GAB3: variants seen among roughly 807,000 people sequenced by gnomAD.
GAB3 encodes the protein GRB2 associated binding protein 3.
Under a neutral mutation model 40.4 loss-of-function variants are expected in GAB3, and 12 were observed. That is an observed-to-expected ratio of 0.30 (90% confidence interval 0.19 to 0.48). GAB3 has a LOEUF of 0.48. Among genes scored for constraint, GAB3 ranks in the 20% least tolerant of loss-of-function variants. The probability of loss-of-function intolerance (pLI) is 0.99; values close to 1 mark genes in which losing one functional copy is unlikely to be tolerated. For synonymous variants in GAB3, 154 were observed against 176.7 expected, an observed-to-expected ratio of 0.87 and a Z score of 1.02; for missense variants, 381 against 461.9, an observed-to-expected ratio of 0.82 and a Z score of 1.61.
chrX:154,702,053 A>C (rs782147164), intron 4 of GAB3, among the ~76,000 whole-genome samples: 1 of 112,227 alleles, frequency 8.9e-6, no homozygotes, highest in East Asian at 2.8e-4. Flanking sequence ...AGAATAGCCA[A>C]AGCTATCCTA....
intron 4 of GAB3, among the ~76,000 whole-genome samples, chrX:154,702,014 T>C (rs1334543153): frequency 8.9e-6 from 1 of 111,894 alleles, no homozygotes; most frequent in African/African-American, 3.3e-5. Context: ...AAAAAAATCC[T>C]AAAATTTGTA....
chrX:154,750,647 C>G (rs1220984358), intron 1 of GAB3, among the ~76,000 whole-genome samples: 1 of 112,720 alleles, frequency 8.9e-6, no homozygotes, highest in Non-Finnish European at 1.9e-5. Context: ...TCCCTGGCCG[C>G]TCCTGTACGG....
intron 4 of GAB3, among the ~76,000 whole-genome samples, chrX:154,703,229 A>G (rs2070762198): frequency 1.8e-5 from 2 of 112,345 alleles, no homozygotes; most frequent in African/African-American, 3.2e-5. Context: ...TATTCACAAT[A>G]GCAAAGACAT....
chrX:154,751,298 G>GGA (rs1841737603), upstream of GAB3, among the ~76,000 whole-genome samples: 1 of 77,751 alleles, frequency 1.3e-5, no homozygotes, highest in Admixed American at 1.4e-4. Context: ...GGGGGGGTGT[G>GGA]GGGGGGGGAG....
chrX:154,746,531 GAGA>G (rs2148496762), intron 1 of GAB3, among the ~76,000 whole-genome samples: 1 of 112,234 alleles, frequency 8.9e-6, no homozygotes, highest in South Asian at 3.7e-4. Flanking sequence ...TCCAACTCAT[GAGA>G]AGAAGCCTCA....
chrX:154,699,976 C>T lies in GAB3; in HGVS notation c.1125+28G>A, dbSNP rs367583892. 4 of 1,172,119 alleles carry T rather than the reference C, an allele frequency of 3.4e-6. No homozygotes were observed. In the African/African-American group the frequency reaches 7.2e-5, roughly 21 times the overall value. On this transcript the variant is annotated intron_variant, in intron 5 of 9. Transcript: ENST00000424127. ...CAAGCTGTTTTTGGTAAAATTGATGCTTAAAAGAACCTGAATGTTGAACTT... is the reference window on the plus strand; with the variant it reads ...CAAGCTGTTTTTGGTAAAATTGATGTTTAAAAGAACCTGAATGTTGAACTT...
intron 1 of GAB3, among the ~76,000 whole-genome samples, chrX:154,724,005 C>G (rs1489712151): frequency 9.0e-6 from 1 of 111,473 alleles, no homozygotes; most frequent in Non-Finnish European, 1.9e-5. Flanking sequence ...TGTAGTGAAC[C>G]AATGAGAAAC....
chrX:154,721,630 A>AT (rs1371186105), intron 1 of GAB3, among the ~76,000 whole-genome samples: 2 of 112,440 alleles, frequency 1.8e-5, no homozygotes, highest in Non-Finnish European at 3.8e-5. Context: ...TGGAGGACAC[A>AT]TTCAAGTATA....
intron 2 of GAB3, among the ~76,000 whole-genome samples, 200 bp downstream of exon 2, chrX:154,715,826 T>G (rs1557257501): frequency 8.9e-6 from 1 of 112,528 alleles, no homozygotes; most frequent in African/African-American, 3.2e-5. Context: ...AGTGTGCTCA[T>G]GGACTCTGCC....
In GAB3 at chrX:154,712,570, C is replaced by T; in HGVS notation, c.728G>A (p.Ser243Asn). The T allele has an allele frequency of 2.6e-6, 3 of 1,171,576 alleles. No individual in the cohort carries two copies. The highest frequency in any genetic ancestry group is 2.3e-6 in the Non-Finnish European group (2 of 876,221). Residue 243 changes from serine (S) to asparagine (N), a missense_variant, in exon 4 of 10, where the codon AGT becomes AAT. Ser to Asn is a conservative substitution (Grantham distance 46). Coordinates refer to ENST00000424127, the MANE Select transcript of GAB3 (RefSeq NM_001081573.3). ...CGAGGATGGCACCTCCTGAGCTCCA[C>T]TGCCATGGCATGAGGGGTGGACCAA... ...SHLVHPSCHG[S>N]GAQEVPSSRP...
rs781860744 is a variant in GAB3, at chrX:154,694,597, G to A, written c.1530+1320C>T. ...TTTAGTAGAGAAGGGGTTTCACCGTGTTAGCCAGGATGGTCTCGATCTCCT... is the reference window on the plus strand; with the variant it reads ...TTTAGTAGAGAAGGGGTTTCACCGTATTAGCCAGGATGGTCTCGATCTCCT... On this transcript the variant is annotated intron_variant, in intron 8 of 9. Transcript: ENST00000424127. Among the ~76,000 whole-genome samples, 21 of 111,366 alleles carry A rather than the reference G, an allele frequency of 1.9e-4. 2 individuals are homozygous for A. The South Asian group carries it at 7.6e-3, about 40-fold the overall frequency.
Position 154,750,938 on chromosome X carries a change from C to T in GAB3, c.72+16G>A. 1.3e-6 allele frequency: 1 copy of T among 779,465 alleles called. No homozygotes were observed. 64.2% of individuals were successfully genotyped at this position (779,465 alleles called of 1,213,427 possible). A position where few individuals can be genotyped will look rare whatever the true frequency, so the allele number is the denominator to read the frequency against. The stretch of plus-strand genomic sequence containing the variant: ...CGGGACGCGAAGGCCGGGCGGGTGG[C>T]GGCGCCCCTACTCACGTAGCGCTGT... On this transcript the variant is annotated intron_variant, in intron 1 of 9. Coordinates refer to ENST00000424127, the MANE Select transcript of GAB3 (RefSeq NM_001081573.3).
chrX:154,732,193 G>A (rs1381819929), intron 1 of GAB3, among the ~76,000 whole-genome samples: 2 of 111,897 alleles, frequency 1.8e-5, no homozygotes, highest in Non-Finnish European at 3.8e-5. Flanking sequence ...GTGGAAGAGT[G>A]TGTATTCAGG....
chrX:154,724,540 C>T (rs1249661512), intron 1 of GAB3, among the ~76,000 whole-genome samples: 1 of 110,561 alleles, frequency 9.0e-6, no homozygotes. Context: ...GATCCACTTC[C>T]CATCAGCCTT....
At chrX:154,697,634 C>T (rs1166178510) in intron 6 of GAB3, among the ~76,000 whole-genome samples, 1 of 111,928 alleles carries the variant, frequency 8.9e-6, no homozygotes, top group African/African-American at 3.3e-5. Flanking sequence ...CACCTACAAT[C>T]CATTGTCCAC....
At chrX:154,732,363 G>A (rs964398172) in intron 1 of GAB3, among the ~76,000 whole-genome samples, 2 of 111,762 alleles carry the variant, frequency 1.8e-5, no homozygotes, top group African/African-American at 6.5e-5. Context: ...ATAATCTGAC[G>A]TTTAATACTG....
At chrX:154,734,642 C>A (rs1475025153) in intron 1 of GAB3, among the ~76,000 whole-genome samples, 1 of 112,115 alleles carries the variant, frequency 8.9e-6, no homozygotes, top group East Asian at 2.8e-4. Context: ...TAGCACACTG[C>A]AGGCCCTGGG....
At chrX:154,697,241 G>A in intron 6 of GAB3, 28 bp from the exon 7 acceptor site, 1 of 1,037,410 alleles carries the variant, frequency 9.6e-7, no homozygotes, top group African/African-American at 1.9e-5. Flanking sequence ...ACATCCAGGA[G>A]GTCAAGGCCA....
chrX:154,709,701 A>G (rs1349679045), intron 4 of GAB3, among the ~76,000 whole-genome samples: 1 of 111,083 alleles, frequency 9.0e-6, no homozygotes, highest in African/African-American at 3.3e-5. Context: ...GGATGAATGG[A>G]TAAAGGATAT....
Sources: allele counts gnomAD v4.1 joint callset (sites outside exome capture counted in the v4.1 genomes callset), GRCh38; gene constraint gnomAD v4.1.1; transcripts MANE v1.5; gene names NCBI Gene and HGNC (gene_info 2026-07-23, HGNC 2026-07-21).